ZNF208: variants seen among roughly 807,000 people sequenced by gnomAD.
ZNF208 encodes zinc finger protein 95.
A neutral mutation model predicts 12.1 loss-of-function variants in ZNF208; 10 were observed. That is an observed-to-expected ratio of 0.83 (90% CI 0.51 to 1.40). The LOEUF (loss-of-function observed/expected upper bound fraction) is 1.40. ZNF208 is among the 40% of genes most tolerant of loss of function. The pLI, the probability that ZNF208 is intolerant of heterozygous loss-of-function variation, is 0.00. For synonymous variants in ZNF208, 497 were observed against 488.4 expected (o/e 1.02, Z -0.23); for missense variants, 1,652 against 1,485.0 (o/e 1.11, Z -1.85).
At chr19:21,950,024 A>G (rs1166854735) in intron 4 of ZNF208, among the ~76,000 whole-genome samples, 1 of 152,222 alleles carries the variant, frequency 6.6e-6, no homozygotes, top group Non-Finnish European at 1.5e-5. Context: ...TAAAGAGCCT[A>G]AACAGGATTG....
At chr19:22,003,083 T>C (rs537755115) in intron 1 of ZNF208, among the ~76,000 whole-genome samples, 22 of 152,132 alleles carry the variant, frequency 1.4e-4, no homozygotes, top group African/African-American at 4.6e-4. Flanking sequence ...AAGGTGACAA[T>C]AGGAATGTGG....
intron 4 of ZNF208, among the ~76,000 whole-genome samples, chr19:21,948,525 T>C (rs1207262625): frequency 6.6e-6 from 1 of 152,210 alleles, no homozygotes; most frequent in Non-Finnish European, 1.5e-5. Flanking sequence ...GCTCCTCTGG[T>C]TGTGCCACTG....
intron 4 of ZNF208, among the ~76,000 whole-genome samples, chr19:21,955,961 T>G (rs1969968847): frequency 6.6e-6 from 1 of 152,222 alleles, no homozygotes. Context: ...TCCCCATCTT[T>G]GGGGTTTTAT....
chr19:21,956,110 C>A (rs1168336859), intron 4 of ZNF208, among the ~76,000 whole-genome samples: 1 of 152,192 alleles, frequency 6.6e-6, no homozygotes, highest in Non-Finnish European at 1.5e-5. Context: ...CACTCCAGAC[C>A]CTGTTTGCCT....
intron 3 of ZNF208, among the ~76,000 whole-genome samples, chr19:21,979,358 A>C (rs902976079): frequency 8.5e-5 from 13 of 152,260 alleles, no homozygotes; most frequent in African/African-American, 3.1e-4. Context: ...AGGGAAGCCC[A>C]TCAGACTAAC....
rs750947575 is a variant in ZNF208 at position 21,970,734 on chromosome 19, G to C, written c.*457C>G. 12 of 1,247,002 alleles carry C rather than the reference G, an allele frequency of 9.6e-6. No individual in the cohort carries two copies. In the East Asian group the frequency reaches 3.0e-4, roughly 31 times the overall value. The allele number at this position is 1,247,002 out of a possible 1,614,324, so 77.2% of individuals were successfully genotyped here. A position where few individuals can be genotyped will look rare whatever the true frequency, so the allele number is the denominator to read the frequency against. ...GAATTTTCTTATGTGTAGGAGGGTT[G>C]GGAACTGTTTAAAAGCTTTGCCAAA... On this transcript the variant is annotated 3_prime_UTR_variant, in exon 4 of 4. Coordinates refer to ENST00000397126, the MANE Select transcript of ZNF208 (RefSeq NM_007153.3).
At chr19:22,005,546 C>T (rs2145586769) in intron 1 of ZNF208, among the ~76,000 whole-genome samples, 1 of 152,286 alleles carries the variant, frequency 6.6e-6, no homozygotes, top group Admixed American at 6.5e-5. Flanking sequence ...AATTCTGACA[C>T]CACCCAGAGT....
chr19:21,984,759 T>A (rs929876343), intron 3 of ZNF208, among the ~76,000 whole-genome samples: 1 of 152,006 alleles, frequency 6.6e-6, no homozygotes, highest in African/African-American at 2.4e-5. Flanking sequence ...GTATATAGAA[T>A]CTCAAAAGAC....
chr19:21,985,285 T>C (rs1599623350), intron 3 of ZNF208, among the ~76,000 whole-genome samples: 1 of 152,154 alleles, frequency 6.6e-6, no homozygotes, highest in Admixed American at 6.5e-5. Flanking sequence ...CAAAAATATC[T>C]TAATGAGGGA....
intron 4 of ZNF208, among the ~76,000 whole-genome samples, chr19:21,958,879 G>A (rs779367469): frequency 6.6e-6 from 1 of 151,972 alleles, no homozygotes; most frequent in Non-Finnish European, 1.5e-5. Flanking sequence ...GCAAGGGAAG[G>A]GTCCCCAGAG....
chr19:21,995,676 TAGA>T (rs1568454818), intron 1 of ZNF208, among the ~76,000 whole-genome samples: 1 of 152,142 alleles, frequency 6.6e-6, no homozygotes, highest in Non-Finnish European at 1.5e-5. Flanking sequence ...GTTGGGTAAG[TAGA>T]AGGACAAGAA....
chr19:21,942,542 T>C (rs1217120545), intron 4 of ZNF208, among the ~76,000 whole-genome samples: 3 of 152,352 alleles, frequency 2.0e-5, no homozygotes, highest in African/African-American at 4.8e-5. Context: ...CTGTCTTCAA[T>C]GTTGTTTACA....
At chr19:21,961,880 T>G (rs1970076601), downstream of ZNF208, among the ~76,000 whole-genome samples, 1 of 152,150 alleles carries the variant, frequency 6.6e-6, no homozygotes, top group Non-Finnish European at 1.5e-5. Flanking sequence ...TCTGTTGTTT[T>G]TCAAGGTGCA....
In ZNF208 at chr19:21,972,472, A is replaced by C. The variant is rs1970316837; in HGVS notation, c.2562T>G (p.Ile854Met). 5 of 1,613,056 alleles carry C rather than the reference A, an allele frequency of 3.1e-6. No individual in the cohort carries two copies. The highest frequency in any genetic ancestry group is 4.2e-6 in the Non-Finnish European group (5 of 1,179,870). ...KFSILTKHKVIHTGEKPYKCE... is the reference protein window; with the variant it reads ...KFSILTKHKVMHTGEKPYKCE... ...ATTTGTAGGGTTTCTCTCCAGTATG[A>C]ATTACCTTATGTTTAGTAAGGATTG... is the stretch of plus-strand genomic sequence containing the variant. The change falls in exon 4 of 4, where the codon ATT (isoleucine) becomes ATG (methionine). Residue 854 changes from isoleucine (I) to methionine (M), a missense_variant. Coordinates refer to ENST00000397126, the MANE Select transcript of ZNF208 (RefSeq NM_007153.3).
downstream of ZNF208, among the ~76,000 whole-genome samples, chr19:21,961,116 C>G (rs1337058280): frequency 6.6e-6 from 1 of 152,130 alleles, no homozygotes; most frequent in African/African-American, 2.4e-5. Context: ...GGAACCCACC[C>G]CCAATATTTC....
At chr19:21,986,928 C>T (rs1249903425) in intron 3 of ZNF208, 1 of 414,260 alleles carries the variant, frequency 2.4e-6, no homozygotes, top group African/African-American at 2.1e-5. Flanking sequence ...TCCACAAAAA[C>T]AAACAAACAA....
chr19:21,987,132 C>T, intron 3 of ZNF208, 84 bp downstream of exon 3: 1 of 1,391,354 alleles, frequency 7.2e-7, no homozygotes, highest in Non-Finnish European at 9.7e-7. Flanking sequence ...TTTTGGAACA[C>T]AGCTTCCAGA....
At chr19:21,946,140 G>A (rs1969812850) in intron 4 of ZNF208, among the ~76,000 whole-genome samples, 1 of 152,194 alleles carries the variant, frequency 6.6e-6, no homozygotes, top group South Asian at 2.1e-4. Flanking sequence ...AACACAGTGG[G>A]CTTTGATGGG....
At position 21,973,136 on chromosome 19, in the gene ZNF208, C is replaced by G; in HGVS notation, c.1898G>C (p.Gly633Ala). The part of the protein sequence containing the change: ...TLTTHKAIHA[G>A]EKPYKCKECG... ...TTCTTTACATTTGTAGGGCTTCTCTCCAGCATGAATTGCCTTATGTGTAGT... is the reference window on the plus strand; with the variant it reads ...TTCTTTACATTTGTAGGGCTTCTCTGCAGCATGAATTGCCTTATGTGTAGT... The change falls in exon 4 of 4, where the codon GGA becomes GCA. Residue 633 changes from glycine (G) to alanine (A), a missense_variant. By Grantham distance (60) the Gly-to-Ala change is moderately conservative (BLOSUM62 0). Around this residue, in one of 3 missense-constraint regions of ZNF208, gnomAD observed 1,239 missense variants for 1,086.2 expected, o/e 1.14. Coordinates refer to ENST00000397126, the MANE Select transcript of ZNF208 (RefSeq NM_007153.3). 1 of 1,613,270 alleles carries G rather than the reference C, an allele frequency of 6.2e-7. No homozygotes were observed. Among genetic ancestry groups the G allele is most frequent in the Non-Finnish European group, 8.5e-7 (1 of 1,179,670 alleles).
Sources: gnomAD v4.1 joint callset for allele counts (sites outside exome capture counted in the v4.1 genomes callset) on GRCh38, gnomAD v4.1.1 for gene constraint, gnomAD v4.1.1 regional missense constraint, MANE v1.5 for transcripts, NCBI Gene and HGNC (gene_info 2026-07-23, HGNC 2026-07-21) for gene names.